Variants in GNAO1 observed in about 807,000 individuals in gnomAD.
GNAO1 encodes G protein subunit alpha o1, also known as guanine nucleotide-binding protein G(o) subunit alpha.
For synonymous variants in GNAO1, 164 were observed against 180.7 expected (o/e 0.91, Z 0.74); for missense variants, 166 against 478.7 (o/e 0.35, Z 6.10).
chr16:56,208,411 T>C (rs1308997389), intron 2 of GNAO1, among the ~76,000 whole-genome samples: 1 of 148,432 alleles, frequency 6.7e-6, no homozygotes, highest in Admixed American at 6.8e-5. Context: ...TAAAAGATGC[T>C]GCTATCAATG....
Position 56,255,362 on chromosome 16 carries a change from A to G in GNAO1, c.162-20569A>G, listed in dbSNP as rs9972878. Among the ~76,000 whole-genome samples, 290 of 152,322 alleles carry G rather than the reference A, an allele frequency of 1.9e-3. 2 individuals are homozygous for G. The highest frequency in any genetic ancestry group is 6.1e-3 in the African/African-American group (252 of 41,572). On this transcript the variant is annotated intron_variant, in intron 2 of 8. Transcript: ENST00000262493. ...AGATGAGATGTATGGGTGATAAACT[A>G]TGAATTCTTGTGTGTTTCCTCTAAA...
chr16:56,349,808 G>A (rs575637497), intron 6 of GNAO1, among the ~76,000 whole-genome samples: 5 of 152,290 alleles, frequency 3.3e-5, no homozygotes, highest in Admixed American at 1.3e-4. Flanking sequence ...GGGGCTGGCC[G>A]CCTCTACAGG....
chr16:56,286,652 A>G (rs2143547767), intron 3 of GNAO1, among the ~76,000 whole-genome samples: 1 of 151,218 alleles, frequency 6.6e-6, no homozygotes, highest in South Asian at 2.1e-4. Flanking sequence ...CAAGTCCTGC[A>G]AGTCTCTCTC....
intron 3 of GNAO1, among the ~76,000 whole-genome samples, chr16:56,321,034 C>T (rs2037566594): frequency 6.6e-6 from 1 of 152,200 alleles, no homozygotes; most frequent in African/African-American, 2.4e-5. Context: ...GGAAACACCA[C>T]ACGGCATGTG....
intron 6 of GNAO1, chr16:56,345,880 C>T (rs3790110): frequency 0.63 from 617,214 of 985,208 alleles, 195,994 homozygotes; most frequent in African/African-American, 0.89. Context: ...CTGGCCACGC[C>T]CCACCTCTAA....
rs188560727 is a variant in GNAO1 at position 56,350,863 on chromosome 16, C to T, written c.724-521C>T. On this transcript the variant is annotated intron_variant, in intron 6 of 8. Transcript: ENST00000262493. ...AGGCAGGAAGGGCCAAAGCCCAGCT[C>T]TCCGGCTCCGGTCCAGACTCCCCCA... Among the ~76,000 whole-genome samples, 9 of 152,312 alleles carry T rather than the reference C, an allele frequency of 5.9e-5. No homozygotes were observed. The East Asian group carries it at 1.2e-3, about 20-fold the overall frequency.
intron 3 of GNAO1, among the ~76,000 whole-genome samples, chr16:56,300,046 C>T (rs940087074): frequency 7.4e-4 from 30 of 40,466 alleles, no homozygotes; most frequent in East Asian, 3.2e-3. Flanking sequence ...TGCGCGCGCG[C>T]GCGCGCACGC....
chr16:56,319,031 C>T (rs909611599), intron 3 of GNAO1, among the ~76,000 whole-genome samples: 18 of 152,270 alleles, frequency 1.2e-4, no homozygotes, highest in African/African-American at 4.3e-4. Flanking sequence ...GTTCATTTCC[C>T]CATCATATCC....
chr16:56,266,211 C>T (rs1178694239), intron 2 of GNAO1, among the ~76,000 whole-genome samples: 3 of 152,202 alleles, frequency 2.0e-5, no homozygotes, highest in African/African-American at 7.2e-5. Flanking sequence ...CTCCTGGGTG[C>T]TGTGTGAACT....
chr16:56,228,785 C>G (rs186298737), intron 2 of GNAO1, among the ~76,000 whole-genome samples: 41 of 152,210 alleles, frequency 2.7e-4, no homozygotes, highest in Non-Finnish European at 5.6e-4. Context: ...ATGAATGTCA[C>G]TTTAAGACCA....
chr16:56,282,444 C>T (rs1296968364), intron 3 of GNAO1, among the ~76,000 whole-genome samples: 1 of 152,176 alleles, frequency 6.6e-6, no homozygotes, highest in Non-Finnish European at 1.5e-5. Flanking sequence ...GAGGAATGGG[C>T]AAGGTTTTAT....
At chr16:56,335,436 G>A (rs1273355160) in intron 5 of GNAO1, among the ~76,000 whole-genome samples, 1 of 152,190 alleles carries the variant, frequency 6.6e-6, no homozygotes, top group Non-Finnish European at 1.5e-5. Flanking sequence ...CTGCTGCAGC[G>A]CTGTGTCCCC....
chr16:56,274,156 C>G (rs1399403406), intron 2 of GNAO1, among the ~76,000 whole-genome samples: 1 of 152,206 alleles, frequency 6.6e-6, no homozygotes, highest in African/African-American at 2.4e-5. Flanking sequence ...TAGTAAACAC[C>G]TAAAGGCGGA....
chr16:56,318,041 T>C (rs748144583), intron 3 of GNAO1, among the ~76,000 whole-genome samples: 2 of 152,092 alleles, frequency 1.3e-5, no homozygotes, highest in African/African-American at 4.8e-5. Context: ...TGGTCACAAA[T>C]GTCTAACGTG....
intron 3 of GNAO1, among the ~76,000 whole-genome samples, chr16:56,297,525 G>GTGTGTA (rs2037299434): frequency 4.0e-5 from 1 of 24,930 alleles, no homozygotes; most frequent in Non-Finnish European, 8.7e-5. Context: ...TCTAACTGGT[G>GTGTGTA]TGTGTGTGTG....
intron 3 of GNAO1, among the ~76,000 whole-genome samples, chr16:56,281,007 T>G (rs2037109121): frequency 6.6e-6 from 1 of 152,186 alleles, no homozygotes; most frequent in African/African-American, 2.4e-5. Flanking sequence ...AAAATATTCC[T>G]TAATGCTTAA....
chr16:56,201,253 T>G (rs1245976414), intron 2 of GNAO1, among the ~76,000 whole-genome samples: 1 of 152,154 alleles, frequency 6.6e-6, no homozygotes, highest in Non-Finnish European at 1.5e-5. Flanking sequence ...GAACTGAGCC[T>G]TTAAAACAAG....
chr16:56,319,626 C>T (rs1357070769), intron 3 of GNAO1, among the ~76,000 whole-genome samples: 4 of 152,126 alleles, frequency 2.6e-5, no homozygotes, highest in South Asian at 2.1e-4. Flanking sequence ...CGTGACCAGC[C>T]GCCAGCAGCA....
chr16:56,275,330 T>C (rs1239039867), intron 2 of GNAO1, among the ~76,000 whole-genome samples: 2 of 152,216 alleles, frequency 1.3e-5, no homozygotes, highest in Non-Finnish European at 2.9e-5. Context: ...CCTTTATGTC[T>C]TCTTTGTCCC....
Sources: gnomAD v4.1 joint callset for allele counts (sites outside exome capture counted in the v4.1 genomes callset) on GRCh38, gnomAD v4.1.1 for gene constraint, MANE v1.5 for transcripts, NCBI Gene and HGNC (gene_info 2026-07-23, HGNC 2026-07-21) for gene names.